Variants in ITSN2 observed in about 807,000 individuals in gnomAD.
ITSN2 encodes intersectin 2.
A neutral mutation model predicts 243.7 loss-of-function variants in ITSN2; 156 were observed. That is an observed-to-expected ratio of 0.64 (90% CI 0.56 to 0.73). The LOEUF (loss-of-function observed/expected upper bound fraction) is 0.73, where lower values mean the gene tolerates loss of function less well. Among genes scored for constraint, ITSN2 ranks in the 30% least tolerant of loss-of-function variants. The pLI, the probability that ITSN2 is intolerant of heterozygous loss-of-function variation, is 0.00. For missense variants in ITSN2, 1,801 were observed against 1,996.1 expected (o/e 0.90, Z 1.86); for synonymous variants, 703 against 699.9 (o/e 1.00, Z -0.07).
rs796181273 is a variant in ITSN2, at chr2:24,328,419, A to T, written c.-33-304T>A. Among the ~76,000 whole-genome samples the T allele has an allele frequency of 6.6e-5, 10 of 152,314 alleles. 1 individual carries two copies. Among genetic ancestry groups the T allele is most frequent in the African/African-American group, 2.2e-4 (9 of 41,544 alleles). On this transcript the variant is annotated intron_variant, in intron 1 of 39. Transcript: ENST00000355123. ...AAATTAATTTGGAAGAGAAAAAAAT[A>T]AATCAACTGTATAAATTAAGTATAT... is the stretch of plus-strand genomic sequence containing the variant.
At chr2:24,330,680 G>C (rs1685682905) in intron 1 of ITSN2, 1 of 708,018 alleles carries the variant, frequency 1.4e-6, no homozygotes, top group Non-Finnish European at 2.6e-6. Context: ...AGTGAAGTGT[G>C]TGTATTTTTT....
chr2:24,209,198 C>A lies in ITSN2; in HGVS notation c.4497G>T (p.Leu1499Phe). 6.2e-7 allele frequency: 1 copy of A among 1,614,008 alleles called. No homozygotes were observed. Among genetic ancestry groups the A allele is most frequent in the South Asian group, 1.1e-5 (1 of 91,078 alleles). ...TGGAAGGGTCTGTGGGCAGTTTCAC[C>A]AAGACTTCATTCAGGAAAATGGGCT... The part of the protein sequence containing the change: ...YKTPIFLNEV[L>F]VKLPTDPSSD... Residue 1499 changes from leucine to phenylalanine, a missense_variant, in exon 36 of 40, where the codon TTG (leucine) becomes TTT (phenylalanine). By Grantham distance (22) the Leu-to-Phe change is conservative. This residue lies in a region of ITSN2 where 928 missense variants were observed against 1,065.4 expected (regional missense o/e 0.87). Transcript: ENST00000355123.
chr2:24,236,599 TGACTC>T (rs1443106519), intron 29 of ITSN2, among the ~76,000 whole-genome samples: 2 of 152,156 alleles, frequency 1.3e-5, no homozygotes, highest in African/African-American at 4.8e-5. Flanking sequence ...TTTGACTCCT[TGACTC>T]TTCTCTGTGT....
chr2:24,325,940 CAT>C (rs986461209), intron 2 of ITSN2, among the ~76,000 whole-genome samples: 19 of 151,932 alleles, frequency 1.3e-4, no homozygotes, highest in African/African-American at 3.6e-4. Flanking sequence ...CACACACACA[CAT>C]ACACACACAC....
chr2:24,313,698 T>G (rs574617469), intron 3 of ITSN2, among the ~76,000 whole-genome samples, 175 bp from the exon 4 acceptor site: 11 of 152,352 alleles, frequency 7.2e-5, no homozygotes, highest in African/African-American at 2.4e-5. Context: ...ATAAGACAGA[T>G]ATTTTAAAAC....
chr2:24,285,338 T>C lies in ITSN2; in HGVS notation c.1864-495A>G, dbSNP rs148066347. Among the ~76,000 whole-genome samples, 102 of 152,332 alleles carry C rather than the reference T, an allele frequency of 6.7e-4. 1 individual carries two copies. The highest frequency in any genetic ancestry group is 2.3e-3 in the African/African-American group (95 of 41,580). ...AAGTGTATTATTAACATTGTTCACC[T>C]CAAATTCCCTTTCCTTACCTGAAGC... On this transcript the variant is annotated intron_variant, in intron 16 of 39. Coordinates refer to ENST00000355123, the MANE Select transcript of ITSN2 (RefSeq NM_006277.3).
At position 24,210,663 on chromosome 2, in the gene ITSN2, G is replaced by GTGGTGAGTCCACGCAGGC. The variant is rs1187369904; in HGVS notation, c.4257+99_4257+116dup. 3.7e-6 allele frequency: 3 copies of GTGGTGAGTCCACGCAGGC among 803,904 alleles called. No homozygotes were observed. The African/African-American group carries it at 5.3e-5, about 14-fold the overall frequency. The allele number at this position is 803,904 out of a possible 1,614,324, so 49.8% of individuals were successfully genotyped here. A position where few individuals can be genotyped will look rare whatever the true frequency, so the allele number is the denominator to read the frequency against. Reference sequence around the variant, plus strand: ...AAAAAAATGCCTTTGCAGGGGCAGGGTGGTGAGTCCACGCAGGCTGCCTAA... The same window carrying GTGGTGAGTCCACGCAGGC: ...AAAAAAATGCCTTTGCAGGGGCAGGGTGGTGAGTCCACGCAGGCTGGTGAGTCCACGCAGGCTGCCTAA... On this transcript the variant is annotated intron_variant, in intron 34 of 39. Transcript: ENST00000355123.
chr2:24,288,139 T>G (rs1679749055), intron 15 of ITSN2, among the ~76,000 whole-genome samples: 2 of 152,120 alleles, frequency 1.3e-5, no homozygotes, highest in African/African-American at 4.8e-5. Context: ...CAATGTTTTC[T>G]TCTAGGAGTT....
intron 23 of ITSN2, among the ~76,000 whole-genome samples, chr2:24,255,718 G>A (rs1674935837): frequency 6.6e-6 from 1 of 152,136 alleles, no homozygotes; most frequent in African/African-American, 2.4e-5. Flanking sequence ...CCTGAGGTCA[G>A]GAGTTCGAGA....
chr2:24,361,279 T>C (rs1245430136), upstream of ITSN2, among the ~76,000 whole-genome samples: 3 of 152,086 alleles, frequency 2.0e-5, no homozygotes, highest in African/African-American at 7.2e-5. Context: ...AATTTGTCTC[T>C]TTTCTCCCCT....
At chr2:24,276,918 T>G (rs1678081288) in intron 17 of ITSN2, among the ~76,000 whole-genome samples, 1 of 152,050 alleles carries the variant, frequency 6.6e-6, no homozygotes, top group Non-Finnish European at 1.5e-5. Context: ...AAATAAGACC[T>G]GGGGATAGGA....
intron 29 of ITSN2, chr2:24,239,563 A>G (rs1372872425): frequency 6.6e-6 from 1 of 152,120 alleles, no homozygotes; most frequent in African/African-American, 2.4e-5. Flanking sequence ...TGATTATTAT[A>G]CATTGCAATT....
intron 1 of ITSN2, among the ~76,000 whole-genome samples, chr2:24,356,369 A>T (rs531276553): frequency 1.3e-5 from 2 of 151,726 alleles, no homozygotes; most frequent in South Asian, 4.2e-4. Context: ...AAAAGAAAGA[A>T]AAAAAGAAAC....
chr2:24,270,105 CTAGATACTCTGGT>C (rs1343815030), intron 20 of ITSN2, among the ~76,000 whole-genome samples: 1 of 152,114 alleles, frequency 6.6e-6, no homozygotes, highest in Non-Finnish European at 1.5e-5. Context: ...GATACTCTGG[CTAGATACTCTGGT>C]TAACATTAGT....
At chr2:24,221,940 C>T (rs371294536) in intron 29 of ITSN2, among the ~76,000 whole-genome samples, 57 of 152,244 alleles carry the variant, frequency 3.7e-4, no homozygotes, top group African/African-American at 1.3e-3. Context: ...CTCAGGAAAC[C>T]CTTCTTAGAA....
At chr2:24,259,321 C>T (rs961778651) in intron 22 of ITSN2, among the ~76,000 whole-genome samples, 3 of 152,166 alleles carry the variant, frequency 2.0e-5, no homozygotes, top group African/African-American at 7.2e-5. Flanking sequence ...AATCTATCTC[C>T]TCTTTCTTAT....
At chr2:24,245,921 G>A (rs1029832615) in intron 29 of ITSN2, among the ~76,000 whole-genome samples, 1 of 152,164 alleles carries the variant, frequency 6.6e-6, no homozygotes, top group Admixed American at 6.5e-5. Flanking sequence ...AGTCTAATAC[G>A]AAAGTCTGGA....
At chr2:24,218,298 G>A (rs919547364) in intron 30 of ITSN2, among the ~76,000 whole-genome samples, 7 of 152,188 alleles carry the variant, frequency 4.6e-5, no homozygotes, top group African/African-American at 4.8e-5. Flanking sequence ...ATGTTATGAA[G>A]GTTAAATAAA....
chr2:24,342,253 A>G (rs1687111594), intron 1 of ITSN2, among the ~76,000 whole-genome samples: 1 of 151,992 alleles, frequency 6.6e-6, no homozygotes, highest in Non-Finnish European at 1.5e-5. Context: ...GCTGGAGTGC[A>G]GTGGCATAAT....
Sources: allele counts gnomAD v4.1 joint callset (sites outside exome capture counted in the v4.1 genomes callset), GRCh38; gene constraint gnomAD v4.1.1; regional missense constraint gnomAD v4.1.1; transcripts MANE v1.5; gene names NCBI Gene and HGNC (gene_info 2026-07-23, HGNC 2026-07-21).